Variants in FUT8 observed in about 807,000 individuals in gnomAD.
FUT8 encodes the protein alpha-(1,6)-fucosyltransferase.
FUT8 carries 29 observed loss-of-function variants against 71.3 expected under a neutral mutation model. The ratio of observed to expected loss-of-function variants is 0.41; its 90% CI spans 0.30 to 0.55. The LOEUF (loss-of-function observed/expected upper bound fraction) is 0.55. Ranked by LOEUF, FUT8 falls within the 20% of genes least tolerant of loss-of-function variation. The pLI, the probability that FUT8 is intolerant of heterozygous loss-of-function variation, is 0.34. For missense variants in FUT8, 544 were observed against 702.1 expected, an observed-to-expected ratio of 0.77 and a Z score of 2.55; for synonymous variants, 254 against 239.3, an observed-to-expected ratio of 1.06 and a Z score of -0.57.
intron 2 of FUT8, among the ~76,000 whole-genome samples, chr14:65,525,371 C>G (rs1194813846): frequency 6.6e-6 from 1 of 152,158 alleles, no homozygotes; most frequent in Non-Finnish European, 1.5e-5. Context: ...ATAGTATTCT[C>G]TGATGGTAGT....
chr14:65,475,655 C>T (rs778363501), intron 2 of FUT8, among the ~76,000 whole-genome samples: 5 of 151,912 alleles, frequency 3.3e-5, no homozygotes, highest in African/African-American at 4.8e-5. Flanking sequence ...GGCAGAGGAT[C>T]GCTTGAGCTC....
chr14:65,383,459 G>C, the FUT8 span, among the ~76,000 whole-genome samples: 53 of 152,024 alleles, frequency 3.5e-4, no homozygotes, highest in African/African-American at 1.2e-3. Flanking sequence ...ATTTTTAGTA[G>C]AGACGGGGTT....
At chr14:65,406,663 G>A (rs1292456290), upstream of FUT8, among the ~76,000 whole-genome samples, 1 of 152,110 alleles carries the variant, frequency 6.6e-6, no homozygotes, top group Non-Finnish European at 1.5e-5. Flanking sequence ...AGCCTTCCAA[G>A]TAGCTGAGAT....
At chr14:65,672,127 T>G (rs1440879177) in intron 7 of FUT8, among the ~76,000 whole-genome samples, 1 of 152,242 alleles carries the variant, frequency 6.6e-6, no homozygotes, top group Non-Finnish European at 1.5e-5. Flanking sequence ...TCTCCTCCAT[T>G]ATTTTATGTT....
At chr14:65,456,371 A>G (rs1261449417) in intron 2 of FUT8, among the ~76,000 whole-genome samples, 1 of 152,144 alleles carries the variant, frequency 6.6e-6, no homozygotes, top group African/African-American at 2.4e-5. Context: ...ACTTAGAATA[A>G]TATATTTGAG....
chr14:65,718,211 C>CT (rs1360712798), intron 7 of FUT8, among the ~76,000 whole-genome samples: 3 of 151,750 alleles, frequency 2.0e-5, no homozygotes, highest in African/African-American at 7.3e-5. Context: ...TAATTTCTTG[C>CT]TTTTTATTTT....
chr14:65,735,162 TCCTTAGTAATA>T, intron 10 of FUT8, among the ~76,000 whole-genome samples: 1 of 152,132 alleles, frequency 6.6e-6, no homozygotes, highest in Non-Finnish European at 1.5e-5. Context: ...CTCCCAATCC[TCCTTAGTAATA>T]CCATTAGGCT....
intron 7 of FUT8, among the ~76,000 whole-genome samples, chr14:65,677,372 AGAGTT>A (rs924825754): frequency 2.0e-5 from 3 of 152,108 alleles, no homozygotes; most frequent in African/African-American, 7.2e-5. Flanking sequence ...GAAAATAATT[AGAGTT>A]GAGTCTTCCA....
At chr14:65,582,537 G>C (rs1887148089) in intron 3 of FUT8, among the ~76,000 whole-genome samples, 1 of 152,064 alleles carries the variant, frequency 6.6e-6, no homozygotes, top group Non-Finnish European at 1.5e-5. Flanking sequence ...AGTAAGTGTT[G>C]GTGGTTCTTT....
rs1896571020 is a variant in FUT8 at position 65,742,837 on chromosome 14, C to A, written c.*427C>A. ...GCTCCTTACTCTGAGGAAGTTGATTCTTATTTGATGGTGGTATTGTGACCA... is the reference window on the plus strand; with the variant it reads ...GCTCCTTACTCTGAGGAAGTTGATTATTATTTGATGGTGGTATTGTGACCA... On this transcript the variant is annotated 3_prime_UTR_variant, in exon 11 of 11. Coordinates refer to ENST00000673929, the MANE Select transcript of FUT8 (RefSeq NM_001371533.1). 2.5e-5 allele frequency: 4 copies of A among 157,252 alleles called. No individual in the cohort carries two copies. The South Asian group carries it at 5.8e-4, about 23-fold the overall frequency. 9.7% of individuals were successfully genotyped at this position (157,252 alleles called of 1,614,324 possible). A position where few individuals can be genotyped will look rare whatever the true frequency, so the allele number is the denominator to read the frequency against.
chr14:65,567,284 G>A (rs533324552), intron 3 of FUT8, among the ~76,000 whole-genome samples: 4 of 151,860 alleles, frequency 2.6e-5, no homozygotes, highest in Non-Finnish European at 4.4e-5. Context: ...ATTAATTTCC[G>A]ATTACCTGTT....
intron 6 of FUT8, among the ~76,000 whole-genome samples, chr14:65,630,951 A>G (rs982403566): frequency 4.6e-5 from 7 of 152,236 alleles, no homozygotes; most frequent in African/African-American, 1.7e-4. Flanking sequence ...AATGACAGCC[A>G]GTGATATGGT....
At chr14:65,492,046 A>G (rs1316224496) in intron 2 of FUT8, among the ~76,000 whole-genome samples, 3 of 152,152 alleles carry the variant, frequency 2.0e-5, no homozygotes, top group East Asian at 1.9e-4. Flanking sequence ...AATAATTTTG[A>G]ATTAGTTACT....
At chr14:65,649,812 T>C (rs754698144) in intron 6 of FUT8, among the ~76,000 whole-genome samples, 20 of 152,210 alleles carry the variant, frequency 1.3e-4, no homozygotes, top group Non-Finnish European at 2.1e-4. Flanking sequence ...AAGAAACATA[T>C]TAGCAAATGC....
chr14:65,641,831 G>A (rs534485418), intron 6 of FUT8, among the ~76,000 whole-genome samples: 2 of 150,598 alleles, frequency 1.3e-5, no homozygotes, highest in South Asian at 2.1e-4. Flanking sequence ...ATCATCTTTG[G>A]TGAAATGTCT....
upstream of FUT8, chr14:65,412,183 T>C (rs745901488): frequency 5.2e-4 from 239 of 456,660 alleles, 1 homozygote; most frequent in African/African-American, 4.2e-3. Flanking sequence ...CAAGATAAAG[T>C]AGGGCTTCGC....
chr14:65,653,559 C>T (rs1485254898), intron 6 of FUT8, among the ~76,000 whole-genome samples: 2 of 152,138 alleles, frequency 1.3e-5, no homozygotes, highest in Non-Finnish European at 2.9e-5. Context: ...TTCCCAGATA[C>T]TTTTTAAGTA....
intron 1 of FUT8, among the ~76,000 whole-genome samples, chr14:65,435,797 T>C (rs944547339): frequency 1.3e-5 from 2 of 150,524 alleles, no homozygotes; most frequent in Non-Finnish European, 3.0e-5. Flanking sequence ...TTTCTTTCTT[T>C]TTTTTTTTTT....
At chr14:65,739,981 T>C (rs1383042839) in intron 10 of FUT8, among the ~76,000 whole-genome samples, 5 of 152,088 alleles carry the variant, frequency 3.3e-5, no homozygotes, top group Admixed American at 2.0e-4. Flanking sequence ...TATTAGCCTC[T>C]GTCATTGTTA....
Sources: gnomAD v4.1 joint callset for allele counts (sites outside exome capture counted in the v4.1 genomes callset) on GRCh38, gnomAD v4.1.1 for gene constraint, MANE v1.5 for transcripts, NCBI Gene and HGNC (gene_info 2026-07-23, HGNC 2026-07-21) for gene names.